SLC22A23: variants seen among roughly 807,000 people sequenced by gnomAD.
SLC22A23 encodes the protein solute carrier family 22 member 23, also known as ion transporter protein.
In SLC22A23, 26 loss-of-function variants were observed where a neutral mutation model predicts 61.0. The ratio of observed to expected loss-of-function variants is 0.43; its 90% CI spans 0.31 to 0.59. SLC22A23 has a LOEUF of 0.59. SLC22A23 is among the 20% of genes least tolerant of loss of function. The pLI, the probability that SLC22A23 is intolerant of heterozygous loss-of-function variation, is 0.11. For missense variants in SLC22A23, 796 were observed against 934.7 expected, an observed-to-expected ratio of 0.85 and a Z score of 1.94; for synonymous variants, 430 against 413.9, an observed-to-expected ratio of 1.04 and a Z score of -0.47.
At chr6:3,285,500 G>A (rs766553604) in intron 7 of SLC22A23, among the ~76,000 whole-genome samples, 2 of 152,208 alleles carry the variant, frequency 1.3e-5, no homozygotes, top group African/African-American at 4.8e-5. Flanking sequence ...TGCTCCTCAC[G>A]GCTGCTTGGT....
intron 3 of SLC22A23, among the ~76,000 whole-genome samples, chr6:3,385,319 C>T (rs540826236): frequency 1.1e-4 from 16 of 152,142 alleles, no homozygotes; most frequent in South Asian, 8.3e-4. Context: ...TTGAGACCAG[C>T]CTGGCCAACA....
At chr6:3,383,505 G>A (rs1460403932) in intron 3 of SLC22A23, among the ~76,000 whole-genome samples, 1 of 152,210 alleles carries the variant, frequency 6.6e-6, no homozygotes, top group African/African-American at 2.4e-5. Context: ...AAACCATGTT[G>A]AACACAGAGT....
chr6:3,430,565 C>G (rs778564804), intron 1 of SLC22A23, among the ~76,000 whole-genome samples: 1 of 152,110 alleles, frequency 6.6e-6, no homozygotes, highest in Non-Finnish European at 1.5e-5. Context: ...GAGTGCCACA[C>G]CCCAAGGAAA....
chr6:3,403,828 C>T (rs967815567), intron 3 of SLC22A23, among the ~76,000 whole-genome samples: 1 of 152,192 alleles, frequency 6.6e-6, no homozygotes, highest in Non-Finnish European at 1.5e-5. Context: ...ATTTTCTCCA[C>T]GAGTTATCCC....
At chr6:3,391,441 C>T (rs1353671635) in intron 3 of SLC22A23, among the ~76,000 whole-genome samples, 1 of 152,246 alleles carries the variant, frequency 6.6e-6, no homozygotes, top group Non-Finnish European at 1.5e-5. Context: ...AAGTCTAGCC[C>T]TTCCAGCTTT....
At chr6:3,438,420 G>C in intron 1 of SLC22A23, 1 of 433,094 alleles carries the variant, frequency 2.3e-6, no homozygotes, top group East Asian at 7.1e-5. Flanking sequence ...CATCAGGCTT[G>C]CTGCCTGGGC....
intron 9 of SLC22A23, among the ~76,000 whole-genome samples, chr6:3,279,603 GT>G (rs1024527184): frequency 1.2e-4 from 16 of 138,242 alleles, no homozygotes; most frequent in Admixed American, 7.5e-4. Flanking sequence ...TTTTGGCTTT[GT>G]TTTTTTTTCT....
In SLC22A23 at chr6:3,392,355, A is replaced by G. The variant is rs188971666; in HGVS notation, c.913+17833T>C. 2.8e-3 allele frequency among the ~76,000 whole-genome samples: 429 copies of G among 152,218 alleles called. 1 individual carries two copies. The highest frequency in any genetic ancestry group is 9.5e-3 in the African/African-American group (394 of 41,526). The stretch of plus-strand genomic sequence containing the variant: ...CTGACTATATTGATGATAGAAATAA[A>G]CTCCACTTTGTTTAAATCCCTGTTG... On this transcript the variant is annotated intron_variant, in intron 3 of 9. Transcript: ENST00000406686.
chr6:3,416,137 C>A (rs1053688112), intron 1 of SLC22A23, among the ~76,000 whole-genome samples: 1 of 152,226 alleles, frequency 6.6e-6, no homozygotes, highest in Non-Finnish European at 1.5e-5. Flanking sequence ...CCAACCACCA[C>A]GGGAAATGTA....
chr6:3,324,561 CAG>C lies in SLC22A23; in HGVS notation c.914-561_914-560del, dbSNP rs1459172532. 6.6e-6 allele frequency among the ~76,000 whole-genome samples: 1 copy of C among 152,204 alleles called. No individual in the cohort carries two copies. Among genetic ancestry groups the C allele is most frequent in the Admixed American group, 6.5e-5 (1 of 15,284 alleles). ...CAGGCAACCTACTCACACTGTGAGA[CAG>C]AGGGAGACTGAGCTAAGTCTCAGCT... is the stretch of plus-strand genomic sequence containing the variant. On this transcript the variant is annotated intron_variant, in intron 3 of 9. Coordinates refer to ENST00000406686, the MANE Select transcript of SLC22A23 (RefSeq NM_015482.2). The surrounding 1 kb of genome is among the most constrained non-coding windows in gnomAD (Gnocchi z 4.3).
At chr6:3,436,575 T>C (rs1771228359) in intron 1 of SLC22A23, among the ~76,000 whole-genome samples, 1 of 152,162 alleles carries the variant, frequency 6.6e-6, no homozygotes, top group Non-Finnish European at 1.5e-5. Context: ...CTTCTCCCGC[T>C]CCTTCCCGTT....
chr6:3,279,854 T>G (rs1234729706), intron 9 of SLC22A23, among the ~76,000 whole-genome samples: 4 of 152,194 alleles, frequency 2.6e-5, no homozygotes, highest in Non-Finnish European at 5.9e-5. Flanking sequence ...CCACGGGATA[T>G]CTTTATTTTA....
At chr6:3,423,604 C>CAGGG (rs1436074989) in intron 1 of SLC22A23, among the ~76,000 whole-genome samples, 1 of 152,004 alleles carries the variant, frequency 6.6e-6, no homozygotes, top group African/African-American at 2.4e-5. Flanking sequence ...GGGAGGAATG[C>CAGGG]AGGGAGGGAG....
At chr6:3,405,858 G>A (rs1230988507) in intron 3 of SLC22A23, among the ~76,000 whole-genome samples, 1 of 152,152 alleles carries the variant, frequency 6.6e-6, no homozygotes, top group Non-Finnish European at 1.5e-5. Flanking sequence ...TCTATTACCA[G>A]TTAAGTCAAG....
intron 1 of SLC22A23, among the ~76,000 whole-genome samples, chr6:3,424,413 A>G (rs986943980): frequency 4.6e-5 from 7 of 152,172 alleles, no homozygotes; most frequent in African/African-American, 1.7e-4. Flanking sequence ...TACTGCACGC[A>G]TTTTTTCTTT....
At chr6:3,437,487 C>T (rs1345812090) in intron 1 of SLC22A23, among the ~76,000 whole-genome samples, 2 of 151,600 alleles carry the variant, frequency 1.3e-5, no homozygotes, top group Non-Finnish European at 2.9e-5. Context: ...ACCACCCTGG[C>T]TAACACAGTG....
chr6:3,381,243 C>T (rs567437684), intron 3 of SLC22A23, among the ~76,000 whole-genome samples: 2 of 152,300 alleles, frequency 1.3e-5, no homozygotes, highest in East Asian at 3.9e-4. Flanking sequence ...CCTGCTGGGG[C>T]CTCTCTGTGG....
chr6:3,405,714 A>G (rs1768781065), intron 3 of SLC22A23, among the ~76,000 whole-genome samples: 1 of 151,888 alleles, frequency 6.6e-6, no homozygotes, highest in Admixed American at 6.6e-5. Flanking sequence ...TCAGGGAAAT[A>G]TCAAAGTGTA....
chr6:3,387,989 G>C lies in SLC22A23; in HGVS notation c.913+22199C>G, dbSNP rs1394342559. 6.6e-6 allele frequency among the ~76,000 whole-genome samples: 1 copy of C among 152,202 alleles called. No individual in the cohort carries two copies. Among genetic ancestry groups the C allele is most frequent in the Non-Finnish European group, 1.5e-5 (1 of 68,028 alleles). On this transcript the variant is annotated intron_variant, in intron 3 of 9. Coordinates refer to ENST00000406686, the MANE Select transcript of SLC22A23 (RefSeq NM_015482.2). The surrounding 1 kb of genome is among the most constrained non-coding windows in gnomAD (Gnocchi z 5.0). ...GCCCAACAAGTCCCCTCTGGCAAGT[G>C]CAATTTTTCCCACCAGTTATCCTAA...
Sources: gnomAD v4.1 joint callset for allele counts (sites outside exome capture counted in the v4.1 genomes callset) on GRCh38, gnomAD v4.1.1 for gene constraint, Gnocchi (gnomAD v3.1) non-coding constraint, MANE v1.5 for transcripts, NCBI Gene and HGNC (gene_info 2026-07-23, HGNC 2026-07-21) for gene names.